The following LRRC4C variants were observed in gnomAD, a reference collection of about 807,000 sequenced individuals.
The protein encoded by LRRC4C is leucine-rich repeat-containing protein 4C.
In LRRC4C, 5 loss-of-function variants were observed where a neutral mutation model predicts 33.6. That is an observed-to-expected ratio of 0.15 (90% CI 0.08 to 0.31). The LOEUF is 0.31. Among genes scored for constraint, LRRC4C ranks in the 10% least tolerant of loss-of-function variants. The pLI is 1.00. For missense variants in LRRC4C, 560 were observed against 796.7 expected (o/e 0.70, Z 3.58); for synonymous variants, 329 against 302.0 (o/e 1.09, Z -0.93).
At chr11:40,360,121 C>T (rs1947880106) in intron 3 of LRRC4C, among the ~76,000 whole-genome samples, 1 of 152,060 alleles carries the variant, frequency 6.6e-6, no homozygotes, top group Admixed American at 6.6e-5. Context: ...AAATCTTTTG[C>T]AGATGTTGAA....
chr11:40,196,186 A>G (rs1862246240), intron 5 of LRRC4C, among the ~76,000 whole-genome samples: 1 of 152,240 alleles, frequency 6.6e-6, no homozygotes, highest in African/African-American at 2.4e-5. Context: ...GCTTTAATAG[A>G]GAAGGCTTAG....
chr11:40,340,613 C>T (rs888066240), intron 3 of LRRC4C, among the ~76,000 whole-genome samples: 9 of 152,128 alleles, frequency 5.9e-5, no homozygotes, highest in Admixed American at 3.3e-4. Flanking sequence ...TGCAGTGCAA[C>T]ATTCTTTCAT....
chr11:40,387,635 G>T (rs1357008125), intron 3 of LRRC4C, among the ~76,000 whole-genome samples: 1 of 152,122 alleles, frequency 6.6e-6, no homozygotes, highest in Non-Finnish European at 1.5e-5. Flanking sequence ...TTATTGACAT[G>T]AAGGTGACAC....
chr11:40,284,066 T>C (rs1169070385), intron 4 of LRRC4C, among the ~76,000 whole-genome samples: 1 of 152,050 alleles, frequency 6.6e-6, no homozygotes, highest in East Asian at 1.9e-4. Flanking sequence ...CATATAACAA[T>C]AGTAAGAGCT....
At position 40,454,053 on chromosome 11, in the gene LRRC4C, T is replaced by C. The variant is rs191043238; in HGVS notation, c.-269-134332A>G. Among the ~76,000 whole-genome samples, 4 of 152,138 alleles carry C rather than the reference T, an allele frequency of 2.6e-5. No individual in the cohort carries two copies. The East Asian group carries it at 7.7e-4, about 29-fold the overall frequency. On this transcript the variant is annotated intron_variant, in intron 3 of 6. Coordinates refer to ENST00000528697, the MANE Select transcript of LRRC4C (RefSeq NM_001258419.2). ...ATGAGCAGTGCTAAAAGGGGATCCA[T>C]GAGATTTCCTGCATCTTCTATCTTT... is the stretch of plus-strand genomic sequence containing the variant.
At chr11:41,383,130 T>G (rs1032592656) in intron 1 of LRRC4C, among the ~76,000 whole-genome samples, 1 of 151,914 alleles carries the variant, frequency 6.6e-6, no homozygotes, top group Non-Finnish European at 1.5e-5. Context: ...GAAACTGGCT[T>G]AAGGTCTGCA....
chr11:40,532,174 C>T (rs963261991), intron 3 of LRRC4C, among the ~76,000 whole-genome samples: 1 of 151,012 alleles, frequency 6.6e-6, no homozygotes, highest in Non-Finnish European at 1.5e-5. Flanking sequence ...TAGCTAGTAA[C>T]CTCAACCAAG....
rs1945261733 is a variant in LRRC4C at position 40,310,675 on chromosome 11, C to A, written c.-176+8953G>T. ...AAGCATTAACTCACAACAACCACCCCACCCCCTCCATAAAGAATTCAGGGG... is the reference window on the plus strand; with the variant it reads ...AAGCATTAACTCACAACAACCACCCAACCCCCTCCATAAAGAATTCAGGGG... On this transcript the variant is annotated intron_variant, in intron 4 of 6. Transcript: ENST00000528697. Among the ~76,000 whole-genome samples, 4 of 152,238 alleles carry A rather than the reference C, an allele frequency of 2.6e-5. No individual in the cohort carries two copies. In the South Asian group the frequency reaches 8.3e-4, roughly 32 times the overall value.
At chr11:40,673,765 AG>A (rs1944248348) in intron 2 of LRRC4C, among the ~76,000 whole-genome samples, 1 of 152,202 alleles carries the variant, frequency 6.6e-6, no homozygotes, top group Non-Finnish European at 1.5e-5. Flanking sequence ...CTCCACTGAG[AG>A]GATTAAAAGG....
At chr11:41,074,718 A>G (rs1938975416) in intron 1 of LRRC4C, among the ~76,000 whole-genome samples, 1 of 152,194 alleles carries the variant, frequency 6.6e-6, no homozygotes, top group Admixed American at 6.5e-5. Context: ...TCTGGAGTCC[A>G]TAGAAAGTCC....
intron 1 of LRRC4C, among the ~76,000 whole-genome samples, chr11:41,161,775 G>T (rs903395626): frequency 6.6e-6 from 1 of 152,128 alleles, no homozygotes; most frequent in African/African-American, 2.4e-5. Context: ...TCATCGGGAT[G>T]TGATTCTACA....
At chr11:41,179,594 T>C (rs1945356210) in intron 1 of LRRC4C, among the ~76,000 whole-genome samples, 2 of 152,214 alleles carry the variant, frequency 1.3e-5, no homozygotes, top group Admixed American at 1.3e-4. Context: ...CACCAAAATC[T>C]GACAGACTTA....
chr11:40,494,419 C>T (rs567565051), intron 3 of LRRC4C, among the ~76,000 whole-genome samples: 11 of 152,206 alleles, frequency 7.2e-5, no homozygotes, highest in African/African-American at 2.4e-4. Context: ...CAGAAACTTG[C>T]ATTTCAAGAT....
chr11:41,427,822 T>C (rs1955093446), intron 1 of LRRC4C, among the ~76,000 whole-genome samples: 1 of 151,966 alleles, frequency 6.6e-6, no homozygotes, highest in African/African-American at 2.4e-5. Flanking sequence ...ACAAAAGAAG[T>C]GAAAATGGCT....
At chr11:40,198,315 C>A (rs997291768) in intron 5 of LRRC4C, among the ~76,000 whole-genome samples, 2 of 152,144 alleles carry the variant, frequency 1.3e-5, no homozygotes, top group African/African-American at 4.8e-5. Context: ...ACTCATAAAT[C>A]TACAGCCACC....
In LRRC4C at chr11:40,775,581, A is replaced by G. The variant is rs567893085; in HGVS notation, c.-406-127303T>C. ...GCCTTCTTTATTTGGCACTGTTTGA[A>G]CATTATTGATGCATGGAGATGCTAC... On this transcript the variant is annotated intron_variant, in intron 2 of 6. Coordinates refer to ENST00000528697, the MANE Select transcript of LRRC4C (RefSeq NM_001258419.2). 8.5e-5 allele frequency among the ~76,000 whole-genome samples: 13 copies of G among 152,264 alleles called. 1 individual carries two copies. Among genetic ancestry groups the G allele is most frequent in the African/African-American group, 2.6e-4 (11 of 41,552 alleles).
chr11:41,456,999 T>C (rs1219721092), intron 1 of LRRC4C, among the ~76,000 whole-genome samples: 1 of 152,186 alleles, frequency 6.6e-6, no homozygotes, highest in African/African-American at 2.4e-5. Flanking sequence ...CTTCTATTAC[T>C]AGCCTAAAAT....
At chr11:41,057,624 T>G (rs572879427) in intron 1 of LRRC4C, among the ~76,000 whole-genome samples, 1 of 152,310 alleles carries the variant, frequency 6.6e-6, no homozygotes, top group South Asian at 2.1e-4. Flanking sequence ...ATAGAAGCCC[T>G]GGACTCAGCC....
chr11:40,691,836 G>A (rs1358713620), intron 2 of LRRC4C, among the ~76,000 whole-genome samples: 1 of 151,972 alleles, frequency 6.6e-6, no homozygotes, highest in Non-Finnish European at 1.5e-5. Context: ...TACCCAAGAG[G>A]GTGATAAATG....
Sources: allele counts gnomAD v4.1 joint callset (sites outside exome capture counted in the v4.1 genomes callset), GRCh38; gene constraint gnomAD v4.1.1; transcripts MANE v1.5; gene names NCBI Gene and HGNC (gene_info 2026-07-23, HGNC 2026-07-21).